Variants in ADGB observed in about 807,000 individuals in gnomAD.
The protein encoded by ADGB is calpain-7-like protein.
In ADGB, 172 loss-of-function variants were observed where a neutral mutation model predicts 210.5. The ratio of observed to expected loss-of-function variants is 0.82; its 90% CI spans 0.72 to 0.93. The LOEUF is 0.93. Among genes scored for constraint, ADGB ranks in the 40% least tolerant of loss-of-function variants. ADGB has a pLI of 0.00. For synonymous variants in ADGB, 658 were observed against 662.7 expected (o/e 0.99, Z 0.11); for missense variants, 2,025 against 1,964.8 (o/e 1.03, Z -0.58).
intron 29 of ADGB, among the ~76,000 whole-genome samples, chr6:146,774,689 A>G (rs1043564016): frequency 6.6e-6 from 1 of 152,230 alleles, no homozygotes; most frequent in African/African-American, 2.4e-5. Flanking sequence ...GTCAGCTGCT[A>G]TGTATCAATT....
chr6:146,693,910 T>A (rs1776369699), intron 12 of ADGB, among the ~76,000 whole-genome samples: 1 of 152,112 alleles, frequency 6.6e-6, no homozygotes, highest in South Asian at 2.1e-4. Flanking sequence ...GTTCCTAATT[T>A]CCATTTGAGA....
chr6:146,691,471 TATATAA>T (rs1489156229), intron 11 of ADGB, among the ~76,000 whole-genome samples, 181 bp downstream of exon 11: 4 of 46,254 alleles, frequency 8.6e-5, no homozygotes, highest in African/African-American at 7.4e-4. Flanking sequence ...AATATATATA[TATATAA>T]ATATATATAT....
chr6:146,619,890 T>A (rs1355354805), intron 1 of ADGB, among the ~76,000 whole-genome samples: 1 of 152,138 alleles, frequency 6.6e-6, no homozygotes, highest in Non-Finnish European at 1.5e-5. Context: ...GCAGATGTTT[T>A]TGTTATATGT....
intron 1 of ADGB, among the ~76,000 whole-genome samples, chr6:146,619,672 A>G (rs954242555): frequency 5.9e-5 from 9 of 152,082 alleles, no homozygotes; most frequent in Non-Finnish European, 7.4e-5. Context: ...CAACTTCAAC[A>G]TCATCCCCAT....
intron 4 of ADGB, among the ~76,000 whole-genome samples, chr6:146,656,232 C>T (rs1353615642): frequency 6.6e-6 from 1 of 152,134 alleles, no homozygotes; most frequent in Non-Finnish European, 1.5e-5. Context: ...TGCAAGGGGA[C>T]GTTTTACTTA....
intron 2 of ADGB, among the ~76,000 whole-genome samples, chr6:146,637,989 C>A (rs1289101947): frequency 6.6e-6 from 1 of 151,930 alleles, no homozygotes. Flanking sequence ...AAATCCTCAA[C>A]AAAATACTTG....
intron 4 of ADGB, among the ~76,000 whole-genome samples, chr6:146,656,521 T>G (rs539400516): frequency 9.2e-5 from 14 of 152,316 alleles, no homozygotes; most frequent in Admixed American, 7.2e-4. Context: ...ACAGTTTACT[T>G]CAGCAGACAG....
At chr6:146,662,919 A>G (rs1404679758) in intron 5 of ADGB, among the ~76,000 whole-genome samples, 4 of 146,990 alleles carry the variant, frequency 2.7e-5, no homozygotes, top group Admixed American at 6.9e-5. Context: ...CTTCTTATAT[A>G]TAATATATAT....
At chr6:146,758,881 A>C (rs1777447795) in intron 27 of ADGB, among the ~76,000 whole-genome samples, 1 of 152,058 alleles carries the variant, frequency 6.6e-6, no homozygotes, top group Middle Eastern at 3.4e-3. Context: ...AAAAGATTAA[A>C]AGATTTCTCC....
intron 28 of ADGB, among the ~76,000 whole-genome samples, chr6:146,768,673 AAAG>A (rs1167387170): frequency 2.0e-5 from 3 of 152,210 alleles, no homozygotes; most frequent in Non-Finnish European, 4.4e-5. Context: ...TCATGATCAC[AAAG>A]AAGAGAAAAC....
At chr6:146,809,981 T>C (rs188345267) in intron 35 of ADGB, among the ~76,000 whole-genome samples, 3 of 151,262 alleles carry the variant, frequency 2.0e-5, no homozygotes, top group East Asian at 4.0e-4. Context: ...AATAAAAAGC[T>C]GCTGCACAGC....
rs1336620568 is a variant in ADGB at position 146,664,260 on chromosome 6, A to G, written c.672A>G (p.Leu224=). ...TGCCTTTTGATGAAGATAACAATCT[A>G]TTGCTTCCAGCTACAACTTATGAAT... is the stretch of plus-strand genomic sequence containing the variant. The part of the protein sequence containing the change: ...DFLPFDEDNN[L]LLPATTYEFE... The change falls in exon 6 of 36, where the codon CTA becomes CTG. Residue 224 remains leucine (L), a synonymous_variant. Transcript: ENST00000397944. 2 of 1,549,944 alleles carry G rather than the reference A, an allele frequency of 1.3e-6. No homozygotes were observed. Among genetic ancestry groups the G allele is most frequent in the Non-Finnish European group, 1.7e-6 (2 of 1,146,028 alleles).
intron 7 of ADGB, 130 bp downstream of exon 7, chr6:146,667,032 T>C (rs1775945469): frequency 1.6e-6 from 1 of 615,286 alleles, no homozygotes; most frequent in African/African-American, 1.8e-5. Context: ...AAATATCGTT[T>C]TGTAGTATTA....
At chr6:146,618,381 AT>A (rs957902674) in intron 1 of ADGB, among the ~76,000 whole-genome samples, 34 of 151,608 alleles carry the variant, frequency 2.2e-4, no homozygotes, top group Admixed American at 1.9e-3. Context: ...TAGCTCTGAT[AT>A]TTATTATTTC....
intron 27 of ADGB, among the ~76,000 whole-genome samples, chr6:146,760,055 T>G (rs555624684): frequency 6.6e-6 from 1 of 151,972 alleles, no homozygotes; most frequent in East Asian, 1.9e-4. Context: ...TAATGAGTTA[T>G]GAATTAATGA....
intron 16 of ADGB, 53 bp downstream of exon 16, chr6:146,717,652 C>T (rs764435853): frequency 6.8e-5 from 61 of 892,008 alleles, no homozygotes; most frequent in Non-Finnish European, 9.1e-5. Context: ...TAGAATTGCA[C>T]CCGTAGAAAA....
intron 29 of ADGB, among the ~76,000 whole-genome samples, chr6:146,772,162 T>C (rs1452910608): frequency 6.6e-6 from 1 of 152,104 alleles, no homozygotes; most frequent in Non-Finnish European, 1.5e-5. Flanking sequence ...GCAACCTTGC[T>C]GAATTCAATT....
Position 146,720,825 on chromosome 6 carries a change from G to A in ADGB, c.1993-578G>A, listed in dbSNP as rs565085650. On this transcript the variant is annotated intron_variant, in intron 16 of 35. Coordinates refer to ENST00000397944, the MANE Select transcript of ADGB (RefSeq NM_024694.4). ...AAAAGCAAGGGACAAGTCTGCTCCC[G>A]TGATTCAATCACCTCCCACCAGGCC... Among the ~76,000 whole-genome samples the A allele has an allele frequency of 3.9e-5, 6 of 152,268 alleles. No individual in the cohort carries two copies. The South Asian group carries it at 1.0e-3, about 26-fold the overall frequency.
chr6:146,619,886 G>A (rs906419660), intron 1 of ADGB, among the ~76,000 whole-genome samples: 1 of 151,984 alleles, frequency 6.6e-6, no homozygotes, highest in African/African-American at 2.4e-5. Context: ...AACTGCAGAT[G>A]TTTTTGTTAT....
Sources: allele counts gnomAD v4.1 joint callset (sites outside exome capture counted in the v4.1 genomes callset), GRCh38; gene constraint gnomAD v4.1.1; transcripts MANE v1.5; gene names NCBI Gene and HGNC (gene_info 2026-07-23, HGNC 2026-07-21).